Variants in FSTL4 observed in about 807,000 individuals in gnomAD.
FSTL4 encodes follistatin like 4.
FSTL4 carries 28 observed loss-of-function variants against 78.2 expected under a neutral mutation model. The ratio of observed to expected loss-of-function variants is 0.36; its 90% CI spans 0.27 to 0.49. The LOEUF (loss-of-function observed/expected upper bound fraction) is 0.49. Ranked by LOEUF, FSTL4 falls within the 20% of genes least tolerant of loss-of-function variation. The probability of loss-of-function intolerance (pLI) is 0.98; values close to 1 mark genes in which losing one functional copy is unlikely to be tolerated. For missense variants in FSTL4, 922 were observed against 1,084.9 expected (o/e 0.85, Z 2.11); for synonymous variants, 422 against 440.5 (o/e 0.96, Z 0.53).
chr5:133,206,834 T>G (rs747320980), intron 14 of FSTL4, among the ~76,000 whole-genome samples: 24 of 152,140 alleles, frequency 1.6e-4, no homozygotes, highest in Non-Finnish European at 2.8e-4. Flanking sequence ...TTTTGTTCTC[T>G]TTCAATTTCT....
At position 133,436,775 on chromosome 5, in the gene FSTL4, G is replaced by C. The variant is rs188615556; in HGVS notation, c.161-35789C>G. 3.3e-5 allele frequency among the ~76,000 whole-genome samples: 5 copies of C among 152,182 alleles called. No homozygotes were observed. The East Asian group carries it at 9.7e-4, about 29-fold the overall frequency. On this transcript the variant is annotated intron_variant, in intron 3 of 15. Transcript: ENST00000265342. ...AACATTTATCAGCACACCACTGATT[G>C]ACATAATCACCAATTGTGTTTTGAA...
At chr5:133,318,683 C>G (rs1431497027) in intron 4 of FSTL4, among the ~76,000 whole-genome samples, 1 of 152,212 alleles carries the variant, frequency 6.6e-6, no homozygotes, top group Non-Finnish European at 1.5e-5. Flanking sequence ...AGAGGCTGTA[C>G]TCAGAAACAC....
chr5:133,226,604 T>C (rs1378649308), intron 8 of FSTL4, among the ~76,000 whole-genome samples: 1 of 152,230 alleles, frequency 6.6e-6, no homozygotes. Context: ...AATTGAGGGT[T>C]CTTCCTTATC....
intron 8 of FSTL4, among the ~76,000 whole-genome samples, chr5:133,233,187 G>A (rs1751546113): frequency 6.6e-6 from 1 of 152,254 alleles, no homozygotes; most frequent in Admixed American, 6.5e-5. Flanking sequence ...CTCACGCCAT[G>A]GCACTTGGAT....
the FSTL4 span, among the ~76,000 whole-genome samples, chr5:133,653,028 C>T: frequency 1.3e-5 from 2 of 152,124 alleles, no homozygotes; most frequent in Non-Finnish European, 2.9e-5. Context: ...GTGCTCATTC[C>T]TTGTGAGTGT....
chr5:133,745,377 GA>G, the FSTL4 span, among the ~76,000 whole-genome samples: 2 of 152,214 alleles, frequency 1.3e-5, no homozygotes, highest in Non-Finnish European at 2.9e-5. Context: ...CTCTAGCAGG[GA>G]ATCAATAGCA....
chr5:133,277,388 A>T (rs775453861), intron 6 of FSTL4, among the ~76,000 whole-genome samples: 4 of 152,010 alleles, frequency 2.6e-5, no homozygotes, highest in Non-Finnish European at 5.9e-5. Context: ...GGGTGCAGGC[A>T]GGAAGGAGGG....
At chr5:133,376,765 T>C (rs1311877199) in intron 4 of FSTL4, among the ~76,000 whole-genome samples, 4 of 151,860 alleles carry the variant, frequency 2.6e-5, no homozygotes, top group Non-Finnish European at 4.4e-5. Context: ...GGTGGGCACC[T>C]ATAATCCCAG....
intron 3 of FSTL4, among the ~76,000 whole-genome samples, chr5:133,516,168 A>T (rs1161730694): frequency 6.6e-6 from 1 of 152,208 alleles, no homozygotes; most frequent in Non-Finnish European, 1.5e-5. Context: ...AAGACAAAGA[A>T]GCTCACGTAC....
chr5:133,616,602 A>G (rs1441479072), upstream of FSTL4, among the ~76,000 whole-genome samples: 6 of 151,980 alleles, frequency 3.9e-5, no homozygotes, highest in South Asian at 6.2e-4. Flanking sequence ...GGGTCTCCCT[A>G]TGTTGCCCAG....
At chr5:133,465,396 G>A (rs935332954) in intron 3 of FSTL4, among the ~76,000 whole-genome samples, 9 of 152,214 alleles carry the variant, frequency 5.9e-5, no homozygotes, top group African/African-American at 2.2e-4. Context: ...AGGATTCTGT[G>A]CTGTCTTGTA....
At chr5:133,633,279 G>T in the FSTL4 span, among the ~76,000 whole-genome samples, 1 of 151,756 alleles carries the variant, frequency 6.6e-6, no homozygotes, top group Non-Finnish European at 1.5e-5. Flanking sequence ...AATAACATAG[G>T]TCCCACAGGT....
At chr5:133,637,818 C>T in the FSTL4 span, among the ~76,000 whole-genome samples, 4 of 151,978 alleles carry the variant, frequency 2.6e-5, no homozygotes, top group Non-Finnish European at 5.9e-5. Flanking sequence ...TAGACTCCTA[C>T]ATCCCATCAC....
At chr5:133,304,008 G>A (rs975975309) in intron 6 of FSTL4, among the ~76,000 whole-genome samples, 2 of 152,134 alleles carry the variant, frequency 1.3e-5, no homozygotes, top group African/African-American at 4.8e-5. Flanking sequence ...GGTAGCCTCG[G>A]CCATGCAAAG....
chr5:133,440,607 C>T lies in FSTL4; in HGVS notation c.161-39621G>A, dbSNP rs1757135878. Among the ~76,000 whole-genome samples the T allele has an allele frequency of 2.0e-5, 3 of 152,338 alleles. No individual in the cohort carries two copies. The highest frequency in any genetic ancestry group is 1.9e-4 in the East Asian group (1 of 5,182). On this transcript the variant is annotated intron_variant, in intron 3 of 15. Transcript: ENST00000265342. The surrounding 1 kb of genome is among the most constrained non-coding windows in gnomAD (Gnocchi z 4.1). ...GGAGGGCTAATAGTTTTCCATGGAGCTGGGTCACCTCCCTGGAGGCACAGG... is the reference window on the plus strand; with the variant it reads ...GGAGGGCTAATAGTTTTCCATGGAGTTGGGTCACCTCCCTGGAGGCACAGG...
intron 3 of FSTL4, among the ~76,000 whole-genome samples, chr5:133,540,720 C>CAAAAAAAAAAAAAAAAAAAAAA (rs79162509): frequency 5.7e-5 from 4 of 70,256 alleles, no homozygotes; most frequent in Admixed American, 1.7e-4. Context: ...TTAACATAGG[C>CAAAAAAAAAAAAAAAAAAAAAA]AAAAAAAAAA....
chr5:133,404,580 C>T (rs972324377), intron 3 of FSTL4, among the ~76,000 whole-genome samples: 1 of 152,114 alleles, frequency 6.6e-6, no homozygotes, highest in Admixed American at 6.5e-5. Context: ...CTATTGGTAC[C>T]AGTTGGTGCT....
chr5:133,418,112 A>C (rs532914784), intron 3 of FSTL4, among the ~76,000 whole-genome samples: 2 of 152,000 alleles, frequency 1.3e-5, no homozygotes, highest in East Asian at 3.9e-4. Context: ...AGTAAGGAAA[A>C]GACATCACTA....
At chr5:133,575,729 T>C (rs1440916363) in intron 2 of FSTL4, among the ~76,000 whole-genome samples, 1 of 152,212 alleles carries the variant, frequency 6.6e-6, no homozygotes, top group Non-Finnish European at 1.5e-5. Context: ...ATGCATTGTC[T>C]AAGGAAGAAA....
Sources: allele counts gnomAD v4.1 joint callset (sites outside exome capture counted in the v4.1 genomes callset), GRCh38; gene constraint gnomAD v4.1.1; non-coding constraint Gnocchi (gnomAD v3.1); transcripts MANE v1.5; gene names NCBI Gene and HGNC (gene_info 2026-07-23, HGNC 2026-07-21).